Variants in BABAM2 observed in about 807,000 individuals in gnomAD.
The protein encoded by BABAM2 is BRISC and BRCA1-A complex member 2.
Under a neutral mutation model 54.7 loss-of-function variants are expected in BABAM2, and 31 were observed. That is an observed-to-expected ratio of 0.57 (90% CI 0.43 to 0.77). The LOEUF (loss-of-function observed/expected upper bound fraction) is 0.77, where lower values mean the gene tolerates loss of function less well. BABAM2 is among the 30% of genes least tolerant of loss of function. The probability of loss-of-function intolerance (pLI) is 0.00; values close to 1 mark genes in which losing one functional copy is unlikely to be tolerated. For missense variants in BABAM2, 364 were observed against 455.8 expected, an observed-to-expected ratio of 0.80 and a Z score of 1.83; for synonymous variants, 167 against 162.9, an observed-to-expected ratio of 1.03 and a Z score of -0.19.
At chr2:28,231,320 A>G (rs1199710772) in intron 7 of BABAM2, among the ~76,000 whole-genome samples, 2 of 152,102 alleles carry the variant, frequency 1.3e-5, no homozygotes, top group African/African-American at 4.8e-5. Context: ...CAGATTCTTG[A>G]GGTCCCTGGC....
intron 6 of BABAM2, among the ~76,000 whole-genome samples, chr2:28,112,147 T>TTCTTTCTTTCTTTCTCTCCC (rs1558346715): frequency 1.9e-4 from 1 of 5,240 alleles, no homozygotes; most frequent in Non-Finnish European, 3.2e-4. Flanking sequence ...CTTTCTTTCT[T>TTCTTTCTTTCTTTCTCTCCC]TACCTCCCTC....
rs1558346715 is a variant in BABAM2 at position 28,112,147 on chromosome 2, T to TTCTTTCTTTCTTTCCTTCCTTCCCTCCC, written c.571-17123_571-17122insCTTTCTTTCTTTCCTTCCTTCCCTCCCT. On this transcript the variant is annotated intron_variant, in intron 6 of 11. Coordinates refer to ENST00000379624, the MANE Select transcript of BABAM2 (RefSeq NM_199191.3). ...TTTCTTTCTTTCTTTCTTTCTTTCTTTACCTCCCTCCCTCCCTCCCTCCCT... is the reference window on the plus strand; with the variant it reads ...TTTCTTTCTTTCTTTCTTTCTTTCTTTCTTTCTTTCTTTCCTTCCTTCCCTCCCTACCTCCCTCCCTCCCTCCCTCCCT... Among the ~76,000 whole-genome samples the TTCTTTCTTTCTTTCCTTCCTTCCCTCCC allele has an allele frequency of 2.5e-3, 13 of 5,240 alleles. 4 individuals carry two copies. Among genetic ancestry groups the TTCTTTCTTTCTTTCCTTCCTTCCCTCCC allele is most frequent in the Admixed American group, 4.9e-3 (2 of 412 alleles). The allele number at this position is 5,240 out of a possible 152,430, so 3.4% of individuals were successfully genotyped here.
intron 3 of BABAM2, among the ~76,000 whole-genome samples, chr2:27,974,346 T>A (rs1435538053): frequency 1.3e-5 from 2 of 152,056 alleles, no homozygotes; most frequent in African/African-American, 4.8e-5. Flanking sequence ...ATAAAATACA[T>A]ACATATATAT....
intron 4 of BABAM2, among the ~76,000 whole-genome samples, chr2:28,011,445 C>T (rs1674389869): frequency 6.6e-6 from 1 of 152,122 alleles, no homozygotes; most frequent in Non-Finnish European, 1.5e-5. Context: ...TGCCCATTTG[C>T]ACATAAGTTG....
chr2:27,930,540 G>T (rs1362939865), intron 3 of BABAM2, among the ~76,000 whole-genome samples: 1 of 152,200 alleles, frequency 6.6e-6, no homozygotes, highest in African/African-American at 2.4e-5. Flanking sequence ...TTGAGAGAAG[G>T]TGGACGTCTG....
intron 4 of BABAM2, among the ~76,000 whole-genome samples, chr2:28,022,158 G>A (rs927745517): frequency 6.7e-6 from 1 of 150,360 alleles, no homozygotes; most frequent in African/African-American, 2.5e-5. Flanking sequence ...AGAAATGTGG[G>A]AAGGTGAGGG....
intron 6 of BABAM2, among the ~76,000 whole-genome samples, chr2:28,077,166 G>A (rs1664763194): frequency 6.6e-6 from 1 of 152,110 alleles, no homozygotes; most frequent in South Asian, 2.1e-4. Context: ...ATAATTAATA[G>A]GAATGGAGAG....
At chr2:28,271,007 G>A (rs1204195874) in intron 10 of BABAM2, among the ~76,000 whole-genome samples, 1 of 152,236 alleles carries the variant, frequency 6.6e-6, no homozygotes, top group Admixed American at 6.5e-5. Context: ...CAGGCACACC[G>A]AGTTAATGTG....
rs114678422 is a variant in BABAM2, at chr2:28,264,058, C to T, written c.934+19196C>T. 4.9e-3 allele frequency among the ~76,000 whole-genome samples: 740 copies of T among 152,310 alleles called. 11 individuals carry two copies. Among genetic ancestry groups the T allele is most frequent in the African/African-American group, 0.016 (683 of 41,576 alleles). ...TGCCAACCACCCATCAATTTTTGCT[C>T]TAAACCATTGTCTCGTTTCAGCTTT... On this transcript the variant is annotated intron_variant, in intron 10 of 11. Coordinates refer to ENST00000379624, the MANE Select transcript of BABAM2 (RefSeq NM_199191.3).
chr2:28,171,669 T>C (rs950535329), intron 7 of BABAM2, among the ~76,000 whole-genome samples: 1 of 152,228 alleles, frequency 6.6e-6, no homozygotes, highest in East Asian at 1.9e-4. Flanking sequence ...TGCCTGTTTT[T>C]AATTGGACTT....
intron 6 of BABAM2, among the ~76,000 whole-genome samples, chr2:28,069,656 G>C (rs1663944007): frequency 6.6e-6 from 1 of 152,146 alleles, no homozygotes; most frequent in Non-Finnish European, 1.5e-5. Context: ...GATAAATGCA[G>C]ACACACAATA....
At chr2:28,145,848 T>G (rs1671447280) in intron 7 of BABAM2, among the ~76,000 whole-genome samples, 1 of 152,244 alleles carries the variant, frequency 6.6e-6, no homozygotes, top group African/African-American at 2.4e-5. Context: ...CTTTTGTGAC[T>G]GACTTCTTTT....
intron 10 of BABAM2, among the ~76,000 whole-genome samples, chr2:28,291,016 A>G (rs1220480483): frequency 6.6e-6 from 1 of 152,246 alleles, no homozygotes; most frequent in Admixed American, 6.5e-5. Flanking sequence ...GGTAGGGAAA[A>G]GAAATGAACA....
At chr2:27,896,551 C>G (rs1665339145) in intron 2 of BABAM2, 1 of 152,514 alleles carries the variant, frequency 6.6e-6, no homozygotes, top group Non-Finnish European at 1.5e-5. Context: ...GAGTTAGATC[C>G]ATCACACACT....
At chr2:28,004,845 A>T (rs1475147027) in intron 4 of BABAM2, among the ~76,000 whole-genome samples, 1 of 152,134 alleles carries the variant, frequency 6.6e-6, no homozygotes, top group Non-Finnish European at 1.5e-5. Flanking sequence ...TGCCTGGCTT[A>T]AAAATACATT....
intron 2 of BABAM2, among the ~76,000 whole-genome samples, chr2:27,912,019 A>G (rs192685247): frequency 1.3e-4 from 20 of 152,288 alleles, no homozygotes; most frequent in Middle Eastern, 3.4e-3. Context: ...GTGCTGTCAC[A>G]TTGTTTAACC....
chr2:28,243,442 G>C (rs1017779888), intron 9 of BABAM2, among the ~76,000 whole-genome samples: 1 of 152,124 alleles, frequency 6.6e-6, no homozygotes, highest in African/African-American at 2.4e-5. Flanking sequence ...TGAGGCAGGA[G>C]AATCTCTTGA....
At chr2:27,946,979 T>A (rs113606214) in intron 3 of BABAM2, among the ~76,000 whole-genome samples, 18 of 152,302 alleles carry the variant, frequency 1.2e-4, no homozygotes, top group African/African-American at 4.1e-4. Flanking sequence ...GTCTTTTCTC[T>A]GCTTTCCTTG....
At chr2:28,296,958 G>A (rs1377151898) in intron 10 of BABAM2, among the ~76,000 whole-genome samples, 3 of 152,164 alleles carry the variant, frequency 2.0e-5, no homozygotes, top group African/African-American at 7.2e-5. Context: ...AGAGTGCTGG[G>A]ATTACAGGTG....
Sources: gnomAD v4.1 joint callset for allele counts (sites outside exome capture counted in the v4.1 genomes callset) on GRCh38, gnomAD v4.1.1 for gene constraint, MANE v1.5 for transcripts, NCBI Gene and HGNC (gene_info 2026-07-23, HGNC 2026-07-21) for gene names.